PTPRT: variants seen among roughly 807,000 people sequenced by gnomAD.
PTPRT encodes protein tyrosine phosphatase receptor type T, also known as receptor-type tyrosine-protein phosphatase T.
Under a neutral mutation model 176.8 loss-of-function variants are expected in PTPRT, and 56 were observed. The observed-to-expected ratio is 0.32, with a 90% CI of 0.26 to 0.40. PTPRT has a LOEUF of 0.40. Ranked by LOEUF, PTPRT falls within the 10% of genes least tolerant of loss-of-function variation. The pLI, the probability that PTPRT is intolerant of heterozygous loss-of-function variation, is 1.00. For missense variants in PTPRT, 1,540 were observed against 1,908.2 expected, an observed-to-expected ratio of 0.81 and a Z score of 3.60; for synonymous variants, 783 against 739.0, an observed-to-expected ratio of 1.06 and a Z score of -0.96.
intron 9 of PTPRT, among the ~76,000 whole-genome samples, chr20:42,411,627 G>A (rs1011785759): frequency 1.3e-5 from 2 of 151,272 alleles, no homozygotes; most frequent in African/African-American, 2.4e-5. Flanking sequence ...CGTTAGCATC[G>A]AGAATACAAG....
intron 9 of PTPRT, among the ~76,000 whole-genome samples, chr20:42,367,101 G>T (rs1423416843): frequency 6.6e-6 from 1 of 152,182 alleles, no homozygotes; most frequent in African/African-American, 2.4e-5. Context: ...AAATACTTTG[G>T]GATTATAAAA....
In PTPRT at chr20:42,161,451, G is replaced by A; in HGVS notation, c.2583C>T (p.Pro861=). 1 of 1,614,166 alleles carries A rather than the reference G, an allele frequency of 6.2e-7. No homozygotes were observed. Among genetic ancestry groups the A allele is most frequent in the Non-Finnish European group, 8.5e-7 (1 of 1,180,020 alleles). The change falls in exon 17 of 31, where the codon CCC becomes CCT. Residue 861 remains proline, a synonymous_variant. Coordinates refer to ENST00000373187, the MANE Select transcript of PTPRT (RefSeq NM_007050.6). ...GGATGGCGGGTTGGAACTGGTCCCG[G>A]GGGTAGCTCATCTCCACAGGGTCAC... ...RTCDPVEMSY[P]RDQFQPAIRV... is the part of the protein sequence containing the mutation.
chr20:42,173,577 A>C (rs1568641961), intron 16 of PTPRT, among the ~76,000 whole-genome samples: 1 of 152,168 alleles, frequency 6.6e-6, no homozygotes, highest in Non-Finnish European at 1.5e-5. Context: ...CATAGGTTGT[A>C]TAAACAATAC....
intron 2 of PTPRT, among the ~76,000 whole-genome samples, chr20:42,812,628 AT>A (rs199607654): frequency 1.7e-4 from 25 of 149,532 alleles, no homozygotes; most frequent in Non-Finnish European, 2.5e-4. Flanking sequence ...TCGCTTCAGG[AT>A]TTTTTTTTTA....
intron 9 of PTPRT, among the ~76,000 whole-genome samples, chr20:42,372,081 T>A (rs2058594110): frequency 6.6e-6 from 1 of 152,042 alleles, no homozygotes; most frequent in Non-Finnish European, 1.5e-5. Context: ...CTCCAAACAT[T>A]CCTTACTTCC....
chr20:42,431,567 A>C (rs1356153452), intron 9 of PTPRT, among the ~76,000 whole-genome samples: 2 of 152,236 alleles, frequency 1.3e-5, no homozygotes, highest in African/African-American at 4.8e-5. Flanking sequence ...AAGATAAAAT[A>C]CAAGGCAAAA....
chr20:42,886,070 T>G, intron 1 of PTPRT, 138 bp from the exon 2 acceptor site: 1 of 384,754 alleles, frequency 2.6e-6, no homozygotes, highest in Non-Finnish European at 3.7e-6. Context: ...TATATATATA[T>G]AAAAGATGAG....
At chr20:42,599,119 G>T (rs550552471) in intron 7 of PTPRT, among the ~76,000 whole-genome samples, 1 of 152,142 alleles carries the variant, frequency 6.6e-6, no homozygotes, top group African/African-American at 2.4e-5. Context: ...CAGATGCACC[G>T]GAAGTGGAAA....
chr20:42,375,493 A>T (rs2058640119), intron 9 of PTPRT, among the ~76,000 whole-genome samples: 1 of 152,174 alleles, frequency 6.6e-6, no homozygotes, highest in Non-Finnish European at 1.5e-5. Context: ...CTGCCATATG[A>T]GGACATGGCA....
chr20:42,358,827 T>C (rs985098158), intron 9 of PTPRT, among the ~76,000 whole-genome samples: 6 of 152,224 alleles, frequency 3.9e-5, no homozygotes, highest in African/African-American at 1.4e-4. Context: ...CAGAGTTTAA[T>C]GGATTTCATT....
rs888461619 is a variant in PTPRT at position 42,079,527 on chromosome 20, T to G, written c.*1352A>C. ...GGGGTTCTAAGGACTGTGTGAAATG[T>G]CCTATGGAAAGTGCCAAGCATGATC... On this transcript the variant is annotated 3_prime_UTR_variant, in exon 31 of 31. Transcript: ENST00000373187. 2 of 222,668 alleles carry G rather than the reference T, an allele frequency of 9.0e-6. No individual in the cohort carries two copies. Among genetic ancestry groups the G allele is most frequent in the African/African-American group, 4.5e-5 (2 of 44,708 alleles). 13.8% of individuals were successfully genotyped at this position (222,668 alleles called of 1,614,324 possible).
chr20:43,120,138 C>A (rs971284826), intron 1 of PTPRT, among the ~76,000 whole-genome samples: 5 of 152,080 alleles, frequency 3.3e-5, no homozygotes, highest in Non-Finnish European at 7.4e-5. Context: ...GGAGTAGTAA[C>A]CACACTTTCA....
intron 17 of PTPRT, among the ~76,000 whole-genome samples, chr20:42,146,482 T>G (rs1052893675): frequency 6.6e-6 from 1 of 152,230 alleles, no homozygotes; most frequent in African/African-American, 2.4e-5. Context: ...TAGAATCACC[T>G]GGGCAGGTTT....
At chr20:43,180,341 A>ATCTCTCTC (rs71193679) in intron 1 of PTPRT, among the ~76,000 whole-genome samples, 5,144 of 114,940 alleles carry the variant, frequency 0.045, 249 homozygotes, top group African/African-American at 0.076. Context: ...AAATGAATCA[A>ATCTCTCTC]TCTCTCTCTC....
chr20:42,206,190 A>G (rs1038984753), intron 15 of PTPRT, among the ~76,000 whole-genome samples: 3 of 152,122 alleles, frequency 2.0e-5, no homozygotes, highest in South Asian at 4.1e-4. Context: ...AACTTTATTC[A>G]TCTATGCCCC....
rs2146885142 is a variant in PTPRT, at chr20:42,242,061, G to C, written c.2313-5803C>G. On this transcript the variant is annotated intron_variant, in intron 14 of 30. Coordinates refer to ENST00000373187, the MANE Select transcript of PTPRT (RefSeq NM_007050.6). ...TGTAGTACCCTTAATAAAGTGCACT[G>C]CTCTTTTAGCTTGGCCTGAGTTAGC... Among the ~76,000 whole-genome samples the C allele has an allele frequency of 2.6e-5, 4 of 152,254 alleles. No homozygotes were observed. The South Asian group carries it at 8.3e-4, about 32-fold the overall frequency.
intron 2 of PTPRT, among the ~76,000 whole-genome samples, chr20:42,805,869 G>A (rs1014303991): frequency 1.3e-5 from 2 of 151,944 alleles, no homozygotes; most frequent in South Asian, 2.1e-4. Context: ...ACTGTGGACC[G>A]GTGCTTCTCA....
intron 6 of PTPRT, among the ~76,000 whole-genome samples, chr20:42,691,213 T>C (rs1445191185): frequency 1.3e-5 from 2 of 152,150 alleles, no homozygotes; most frequent in Non-Finnish European, 2.9e-5. Flanking sequence ...GTAGCTGCCA[T>C]AGCAGAACAA....
the PTPRT span, among the ~76,000 whole-genome samples, chr20:42,055,862 G>A: frequency 6.6e-6 from 1 of 152,188 alleles, no homozygotes; most frequent in Non-Finnish European, 1.5e-5. Context: ...AGAAAGGGTA[G>A]AAGAGTAGGA....
Sources: allele counts gnomAD v4.1 joint callset (sites outside exome capture counted in the v4.1 genomes callset), GRCh38; gene constraint gnomAD v4.1.1; transcripts MANE v1.5; gene names NCBI Gene and HGNC (gene_info 2026-07-23, HGNC 2026-07-21).